Variants in SGCZ observed in about 807,000 individuals in gnomAD.
SGCZ encodes the protein zeta-sarcoglycan.
A neutral mutation model predicts 41.3 loss-of-function variants in SGCZ; 40 were observed. The observed-to-expected ratio is 0.97, with a 90% CI of 0.75 to 1.26. SGCZ has a LOEUF of 1.26. Among genes scored for constraint, SGCZ ranks in the 50% most tolerant of loss-of-function variants. The pLI is 0.00. For missense variants in SGCZ, 552 were observed against 369.8 expected (o/e 1.49, Z -4.04); for synonymous variants, 206 against 137.5 (o/e 1.50, Z -3.49).
intron 1 of SGCZ, among the ~76,000 whole-genome samples, chr8:15,027,983 A>G (rs1803518785): frequency 6.6e-6 from 1 of 152,092 alleles, no homozygotes; most frequent in Admixed American, 6.5e-5. Flanking sequence ...ACAAAAGCAC[A>G]GATAATATCT....
At chr8:14,278,137 G>C (rs535363178) in intron 3 of SGCZ, among the ~76,000 whole-genome samples, 1 of 152,052 alleles carries the variant, frequency 6.6e-6, no homozygotes, top group African/African-American at 2.4e-5. Context: ...TGTCTGGTTT[G>C]GCTAGCTCAT....
chr8:14,667,010 T>C (rs1226535232), intron 1 of SGCZ, among the ~76,000 whole-genome samples: 1 of 152,118 alleles, frequency 6.6e-6, no homozygotes, highest in Admixed American at 6.6e-5. Context: ...ATAGCAATGA[T>C]CAGTTTATAT....
chr8:14,934,649 G>C (rs1347767094), intron 1 of SGCZ, among the ~76,000 whole-genome samples: 1 of 151,730 alleles, frequency 6.6e-6, no homozygotes, highest in East Asian at 1.9e-4. Flanking sequence ...GCAAAATTAA[G>C]ACAGAATGAG....
chr8:14,379,616 C>T (rs112271233), intron 2 of SGCZ, among the ~76,000 whole-genome samples: 2,942 of 151,892 alleles, frequency 0.019, 79 homozygotes, highest in African/African-American at 0.055. Flanking sequence ...CACAGTCAAC[C>T]GATACTAAGT....
intron 1 of SGCZ, among the ~76,000 whole-genome samples, chr8:15,195,467 T>C (rs935751799): frequency 5.9e-5 from 9 of 152,178 alleles, no homozygotes; most frequent in Admixed American, 1.3e-4. Context: ...TTCATGCCCA[T>C]CTCTCAGCTC....
At chr8:14,266,099 A>C (rs1484384500) in intron 3 of SGCZ, among the ~76,000 whole-genome samples, 1 of 152,138 alleles carries the variant, frequency 6.6e-6, no homozygotes, top group Non-Finnish European at 1.5e-5. Flanking sequence ...CTAAGGAAAC[A>C]TATGATTATC....
chr8:14,114,693 A>C (rs923923881), intron 5 of SGCZ, among the ~76,000 whole-genome samples: 4 of 152,020 alleles, frequency 2.6e-5, no homozygotes, highest in Admixed American at 6.6e-5. Context: ...TATTTTCTTC[A>C]AAATTAAGTA....
At chr8:14,271,264 T>C (rs1210840074) in intron 3 of SGCZ, among the ~76,000 whole-genome samples, 2 of 152,202 alleles carry the variant, frequency 1.3e-5, no homozygotes, top group African/African-American at 4.8e-5. Flanking sequence ...AAAAGATCTG[T>C]GAATCGTGTT....
Position 15,148,551 on chromosome 8 carries a change from G to C in SGCZ, c.39+89034C>G, listed in dbSNP as rs138354356. ...ATTGCAAGGCCATTTGCTCCCCATT[G>C]TCCTAAATATCCTCTGTCTAGTTAC... On this transcript the variant is annotated intron_variant, in intron 1 of 7. Coordinates refer to ENST00000382080, the MANE Select transcript of SGCZ (RefSeq NM_139167.4). Among the ~76,000 whole-genome samples, 135 of 152,250 alleles carry C rather than the reference G, an allele frequency of 8.9e-4. 1 individual carries two copies. The South Asian group carries it at 0.011, about 12-fold the overall frequency.
intron 1 of SGCZ, among the ~76,000 whole-genome samples, chr8:15,201,544 T>C (rs925370829): frequency 6.6e-6 from 1 of 152,194 alleles, no homozygotes; most frequent in African/African-American, 2.4e-5. Context: ...AGACCATGTC[T>C]TTACTGCTGT....
intron 1 of SGCZ, among the ~76,000 whole-genome samples, chr8:14,756,983 A>G (rs898905478): frequency 5.9e-5 from 9 of 152,212 alleles, no homozygotes; most frequent in African/African-American, 2.2e-4. Context: ...TGGAATAACC[A>G]CAAGTCCCAA....
chr8:15,060,440 G>A (rs113481702), intron 1 of SGCZ, among the ~76,000 whole-genome samples: 6,797 of 144,270 alleles, frequency 0.047, 167 homozygotes, highest in Non-Finnish European at 0.056. Context: ...AACACCGCAC[G>A]TTCTCACTCA....
At chr8:14,742,514 C>A (rs1196985664) in intron 1 of SGCZ, among the ~76,000 whole-genome samples, 1 of 152,026 alleles carries the variant, frequency 6.6e-6, no homozygotes, top group Admixed American at 6.6e-5. Context: ...CACATGCCCT[C>A]TTTACAATAT....
chr8:14,119,826 G>T (rs1802643830), intron 5 of SGCZ, among the ~76,000 whole-genome samples: 1 of 152,094 alleles, frequency 6.6e-6, no homozygotes, highest in Admixed American at 6.6e-5. Flanking sequence ...TAATCGTGTG[G>T]TTTTTGTGAT....
chr8:14,935,416 G>T (rs550621674), intron 1 of SGCZ, among the ~76,000 whole-genome samples: 5 of 150,282 alleles, frequency 3.3e-5, no homozygotes, highest in Non-Finnish European at 7.4e-5. Flanking sequence ...AGGACATCTG[G>T]GTCACTCTGT....
chr8:15,057,221 T>C (rs1804745938), intron 1 of SGCZ, among the ~76,000 whole-genome samples: 1 of 152,182 alleles, frequency 6.6e-6, no homozygotes, highest in African/African-American at 2.4e-5. Flanking sequence ...GAAACCCTCC[T>C]TCAAGAATTA....
At chr8:14,237,797 A>G in intron 3 of SGCZ, 118 bp from the exon 4 acceptor site, 1 of 826,644 alleles carries the variant, frequency 1.2e-6, no homozygotes, top group Non-Finnish European at 1.8e-6. Flanking sequence ...TCTATATTAG[A>G]CAGTTAATTT....
intron 3 of SGCZ, among the ~76,000 whole-genome samples, chr8:14,242,486 C>A (rs1489021886): frequency 6.6e-6 from 1 of 152,186 alleles, no homozygotes; most frequent in African/African-American, 2.4e-5. Context: ...CTCCACATTT[C>A]TGCATCATAG....
At chr8:14,197,010 A>C (rs983273031) in intron 4 of SGCZ, among the ~76,000 whole-genome samples, 1 of 152,156 alleles carries the variant, frequency 6.6e-6, no homozygotes, top group Admixed American at 6.5e-5. Flanking sequence ...GGTAACAGAA[A>C]TGATTCAAAA....
Sources: gnomAD v4.1 joint callset for allele counts (sites outside exome capture counted in the v4.1 genomes callset) on GRCh38, gnomAD v4.1.1 for gene constraint, MANE v1.5 for transcripts, NCBI Gene and HGNC (gene_info 2026-07-23, HGNC 2026-07-21) for gene names.